The following GSTM2 variants were observed in gnomAD, a reference collection of about 807,000 sequenced individuals.
GSTM2 encodes the protein GST class-mu 2.
Under a neutral mutation model 33.3 loss-of-function variants are expected in GSTM2, and 33 were observed. The ratio of observed to expected loss-of-function variants is 0.99; its 90% confidence interval spans 0.75 to 1.33. The LOEUF (loss-of-function observed/expected upper bound fraction) is 1.33, where lower values mean the gene tolerates loss of function less well. Among genes scored for constraint, GSTM2 ranks in the 40% most tolerant of loss-of-function variants. GSTM2 has a pLI of 0.00. For missense variants in GSTM2, 213 were observed against 265.8 expected (o/e 0.80, Z 1.38); for synonymous variants, 93 against 95.6 (o/e 0.97, Z 0.16).
At chr1:109,673,240 C>T in intron 7 of GSTM2, 1 of 1,612,012 alleles carries the variant, frequency 6.2e-7, no homozygotes, top group Admixed American at 1.7e-5. Context: ...GCTGATTTTA[C>T]TCCTGTTCAC....
chr1:109,680,523 T>G (rs1237566353), intron 7 of GSTM2, among the ~76,000 whole-genome samples: 2 of 129,224 alleles, frequency 1.5e-5, no homozygotes, highest in African/African-American at 5.7e-5. Flanking sequence ...AACATCTGCT[T>G]GCACATTTTG....
chr1:109,672,109 T>C (rs971428011), intron 7 of GSTM2, among the ~76,000 whole-genome samples: 2 of 150,734 alleles, frequency 1.3e-5, no homozygotes, highest in Non-Finnish European at 3.0e-5. Flanking sequence ...GTGAGACCCC[T>C]GTCTCTACTA....
chr1:109,673,473 C>T (rs780315931), intron 7 of GSTM2: 44 of 540,966 alleles, frequency 8.1e-5, no homozygotes, highest in Non-Finnish European at 1.4e-4. Context: ...TTCCCTTTTC[C>T]ACTCCCCATC....
At chr1:109,671,874 G>A (rs1402882852) in intron 7 of GSTM2, among the ~76,000 whole-genome samples, 1 of 151,308 alleles carries the variant, frequency 6.6e-6, no homozygotes, top group African/African-American at 2.4e-5. Context: ...GGGAGGCTGA[G>A]GCAGGAGAAT....
chr1:109,677,548 C>G (rs1033337501), downstream of GSTM2, among the ~76,000 whole-genome samples: 4 of 152,152 alleles, frequency 2.6e-5, no homozygotes, highest in African/African-American at 9.7e-5. Flanking sequence ...AGGATCCAGA[C>G]AGGAGAAAGG....
intron 7 of GSTM2, chr1:109,673,161 CG>C (rs762315196): frequency 1.7e-5 from 27 of 1,606,100 alleles, no homozygotes; most frequent in Non-Finnish European, 2.2e-5. Context: ...TGAGCCACCG[CG>C]CCTGGCCTCT....
chr1:109,669,480 C>T lies in GSTM2; in HGVS notation c.269C>T (p.Ser90Leu). 6.2e-7 allele frequency: 1 copy of T among 1,613,916 alleles called. No individual in the cohort carries two copies. The highest frequency in any genetic ancestry group is 8.5e-7 in the Non-Finnish European group (1 of 1,179,812). ...TGCTTTACGAGGGTAGGCGGGGAAT[C>T]AGAAAAGGAGCAGATTCGCGAAGAC... is the stretch of plus-strand genomic sequence containing the variant. ...IARKHNLCGE[S>L]EKEQIREDIL... The change falls in exon 5 of 8, where the codon TCA (serine) becomes TTA (leucine). Residue 90 changes from serine (S) to leucine (L), a missense_variant. Transcript: ENST00000241337.
intron 1 of GSTM2, 114 bp downstream of exon 1, chr1:109,668,265 G>A: frequency 1.5e-6 from 2 of 1,372,960 alleles, no homozygotes; most frequent in Non-Finnish European, 1.0e-6. Context: ...CCCTGACAGC[G>A]GGGTCTGTGC....
At chr1:109,676,718 G>T (rs1435078166), downstream of GSTM2, among the ~76,000 whole-genome samples, 1 of 152,080 alleles carries the variant, frequency 6.6e-6, no homozygotes, top group East Asian at 1.9e-4. Context: ...AGGCTGTGTG[G>T]GGATCTACAG....
intron 7 of GSTM2, among the ~76,000 whole-genome samples, chr1:109,673,883 G>T (rs1438258928): frequency 1.3e-5 from 2 of 152,244 alleles, no homozygotes; most frequent in South Asian, 2.1e-4. Context: ...ACAGGTGTGA[G>T]CCGGATGTTT....
At chr1:109,677,558 G>A (rs1557960734), downstream of GSTM2, among the ~76,000 whole-genome samples, 2 of 152,178 alleles carry the variant, frequency 1.3e-5, no homozygotes, top group African/African-American at 4.8e-5. Flanking sequence ...CAGGAGAAAG[G>A]ACACACAATC....
At chr1:109,674,286 G>A (rs1382823160) in intron 7 of GSTM2, among the ~76,000 whole-genome samples, 1 of 151,880 alleles carries the variant, frequency 6.6e-6, no homozygotes, top group East Asian at 1.9e-4. Flanking sequence ...GGGTGGTGGG[G>A]CAGAAGAAGA....
intron 7 of GSTM2, among the ~76,000 whole-genome samples, chr1:109,672,713 C>A (rs550418692): frequency 2.2e-4 from 34 of 152,328 alleles, no homozygotes; most frequent in African/African-American, 8.2e-4. Flanking sequence ...GTATTCACAG[C>A]TACACCCAGA....
In GSTM2 at chr1:109,671,451, A is replaced by C. The variant is rs780931326; in HGVS notation, c.457-22A>C. On this transcript the variant is annotated intron_variant, in intron 6 of 7. Coordinates refer to ENST00000241337, the MANE Select transcript of GSTM2 (RefSeq NM_000848.4). ...TCCTATATTATGGAGGTTTCAGCCC[A>C]CATATCCTTGGCCTTATCCAGATCA... 31 of 1,579,544 alleles carry C rather than the reference A, an allele frequency of 2.0e-5. No individual in the cohort carries two copies. In the South Asian group the frequency reaches 3.0e-4, roughly 15 times the overall value.
Position 109,673,756 on chromosome 1 carries a change from G to A in GSTM2, c.568-991G>A, listed in dbSNP as rs982244791. ...TGGGATTACAGGTGCCCGCCACCAT[G>A]ACCAGCTAATTTTTGTATTTTTAGT... On this transcript the variant is annotated intron_variant, in intron 7 of 7. Coordinates refer to ENST00000241337, the MANE Select transcript of GSTM2 (RefSeq NM_000848.4). Among the ~76,000 whole-genome samples, 15 of 152,150 alleles carry A rather than the reference G, an allele frequency of 9.9e-5. 1 individual carries two copies. Among genetic ancestry groups the A allele is most frequent in the Admixed American group, 9.2e-4 (14 of 15,274 alleles).
intron 2 of GSTM2, 109 bp downstream of exon 2, chr1:109,668,609 C>A: frequency 8.0e-7 from 1 of 1,249,554 alleles, no homozygotes; most frequent in Non-Finnish European, 1.2e-6. Context: ...GCTGGAACTG[C>A]AGGCTGTCCC....
intron 7 of GSTM2, among the ~76,000 whole-genome samples, chr1:109,671,973 G>GAAAAAAAAAAAAAAA: frequency 1.3e-5 from 1 of 76,386 alleles, no homozygotes; most frequent in Non-Finnish European, 2.4e-5. Flanking sequence ...TCCATCTCAA[G>GAAAAAAAAAAAAAAA]AAAAAAAAAA....
At chr1:109,670,114 T>C (rs892570641) in intron 5 of GSTM2, 42 of 2,542 alleles carry the variant, frequency 0.017, 1 homozygote, top group African/African-American at 0.11. Context: ...AATCCCTTAT[T>C]TGGCCCCACC....
At chr1:109,671,416 T>A (rs765140943) in intron 6 of GSTM2, 34 bp downstream of exon 6, 2 of 1,578,562 alleles carry the variant, frequency 1.3e-6, no homozygotes, top group Non-Finnish European at 1.7e-6. Flanking sequence ...CACCACAGAT[T>A]TGTCATACTT....
Sources: gnomAD v4.1 joint callset for allele counts (sites outside exome capture counted in the v4.1 genomes callset) on GRCh38, gnomAD v4.1.1 for gene constraint, MANE v1.5 for transcripts, NCBI Gene and HGNC (gene_info 2026-07-23, HGNC 2026-07-21) for gene names.